NELL2: variants seen among roughly 807,000 people sequenced by gnomAD.
The protein encoded by NELL2 is neural EGFL like 2.
Under a neutral mutation model 109.6 loss-of-function variants are expected in NELL2, and 41 were observed. The ratio of observed to expected loss-of-function variants is 0.37; its 90% CI spans 0.29 to 0.49. NELL2 has a LOEUF of 0.49. Ranked by LOEUF, NELL2 falls within the 20% of genes least tolerant of loss-of-function variation. The pLI, the probability that NELL2 is intolerant of heterozygous loss-of-function variation, is 0.98. For synonymous variants in NELL2, 355 were observed against 344.7 expected (o/e 1.03, Z -0.33); for missense variants, 900 against 1,008.3 (o/e 0.89, Z 1.45).
intron 2 of NELL2, among the ~76,000 whole-genome samples, chr12:44,859,384 T>C (rs1944772963): frequency 6.6e-6 from 1 of 152,114 alleles, no homozygotes; most frequent in Non-Finnish European, 1.5e-5. Flanking sequence ...TCCACAAAAA[T>C]ACAAAAATTA....
In NELL2 at chr12:44,746,641, T is replaced by C. The variant is rs367833063; in HGVS notation, c.994+28106A>G. 3.1e-3 allele frequency among the ~76,000 whole-genome samples: 476 copies of C among 152,132 alleles called. 1 individual carries two copies. Among genetic ancestry groups the C allele is most frequent in the South Asian group, 0.015 (74 of 4,824 alleles). On this transcript the variant is annotated intron_variant, in intron 9 of 19. Transcript: ENST00000429094. ...ACCCCATCAAAAAGTGGGCGAAGGA[T>C]ATGAACAGACACTTCTCAAAAGAAG...
chr12:44,854,541 T>C (rs953382152), intron 2 of NELL2, among the ~76,000 whole-genome samples: 13 of 152,198 alleles, frequency 8.5e-5, no homozygotes, highest in Admixed American at 2.6e-4. Context: ...TGAATGCAAG[T>C]GACTTCAGAA....
intron 9 of NELL2, among the ~76,000 whole-genome samples, chr12:44,756,315 C>T (rs1445187933): frequency 6.6e-6 from 1 of 152,018 alleles, no homozygotes; most frequent in East Asian, 1.9e-4. Flanking sequence ...CTCCTTATCT[C>T]TCATTTTCTC....
At chr12:44,804,825 G>C (rs975987981) in intron 3 of NELL2, among the ~76,000 whole-genome samples, 1 of 151,712 alleles carries the variant, frequency 6.6e-6, no homozygotes, top group African/African-American at 2.4e-5. Flanking sequence ...GAACTTTCAT[G>C]GCACATCAAA....
chr12:44,637,325 T>A (rs1946676267), intron 13 of NELL2, among the ~76,000 whole-genome samples: 1 of 151,024 alleles, frequency 6.6e-6, no homozygotes, highest in African/African-American at 2.4e-5. Flanking sequence ...CTTTTACATA[T>A]CCAAAAACTA....
At chr12:44,563,836 G>A (rs377652214) in intron 15 of NELL2, among the ~76,000 whole-genome samples, 5 of 152,146 alleles carry the variant, frequency 3.3e-5, no homozygotes, top group East Asian at 1.9e-4. Context: ...GGTTAATGCC[G>A]CAGATATTAC....
intron 13 of NELL2, among the ~76,000 whole-genome samples, chr12:44,646,556 T>C (rs752027647): frequency 1.4e-4 from 22 of 152,246 alleles, no homozygotes; most frequent in Non-Finnish European, 1.2e-4. Flanking sequence ...AACAATATAC[T>C]GTAATCAAAG....
chr12:44,669,100 G>C lies in NELL2; in HGVS notation c.1319-3491C>G, dbSNP rs573970419. On this transcript the variant is annotated intron_variant, in intron 12 of 19. Transcript: ENST00000429094. ...ACCAAAGCCTCCACTAACAATCACA[G>C]CTTAAGTCACTGAGGAACTCATAGA... Among the ~76,000 whole-genome samples the C allele has an allele frequency of 3.3e-5, 5 of 152,258 alleles. No individual in the cohort carries two copies. In the South Asian group the frequency reaches 1.0e-3, roughly 32 times the overall value.
intron 13 of NELL2, 117 bp from the exon 14 acceptor site, chr12:44,611,087 A>G (rs1945606653): frequency 1.0e-6 from 1 of 961,846 alleles, no homozygotes; most frequent in East Asian, 2.6e-5. Context: ...GACATAACAA[A>G]TTATAAATTA....
chr12:44,903,935 T>C (rs1163124055), intron 1 of NELL2, among the ~76,000 whole-genome samples: 1 of 151,922 alleles, frequency 6.6e-6, no homozygotes, highest in Non-Finnish European at 1.5e-5. Flanking sequence ...ATACCTAATG[T>C]AGATGATGGG....
intron 16 of NELL2, among the ~76,000 whole-genome samples, chr12:44,530,289 CAG>C: frequency 6.6e-6 from 1 of 152,058 alleles, no homozygotes; most frequent in East Asian, 1.9e-4. Context: ...AGGCCACTGA[CAG>C]AGAATAAAAA....
At chr12:44,765,846 A>AG (rs148367762) in intron 9 of NELL2, among the ~76,000 whole-genome samples, 2,014 of 152,310 alleles carry the variant, frequency 0.013, 43 homozygotes, top group African/African-American at 0.046. Flanking sequence ...CTGAATTGGC[A>AG]GGATGCAGTG....
At chr12:44,636,286 G>T (rs1359432705) in intron 13 of NELL2, among the ~76,000 whole-genome samples, 3 of 152,006 alleles carry the variant, frequency 2.0e-5, no homozygotes, top group Non-Finnish European at 4.4e-5. Context: ...TATCTCTCTT[G>T]CCTGACTGCC....
chr12:44,745,116 G>C (rs1377617636), intron 9 of NELL2, among the ~76,000 whole-genome samples: 2 of 152,068 alleles, frequency 1.3e-5, no homozygotes, highest in African/African-American at 4.8e-5. Context: ...TAATCGAGTG[G>C]GCTTCATCCC....
At position 44,832,322 on chromosome 12, in the gene NELL2, G is replaced by A. The variant is rs145692647; in HGVS notation, c.185-16186C>T. 2.5e-4 allele frequency among the ~76,000 whole-genome samples: 38 copies of A among 152,274 alleles called. No homozygotes were observed. In the East Asian group the frequency reaches 6.7e-3, roughly 27 times the overall value. Reference sequence around the variant, plus strand: ...CCAAAACAATGTGATAAGAGGCTTAGTTAAAGCAAGTACTAGATGTCATGA... The same window carrying A: ...CCAAAACAATGTGATAAGAGGCTTAATTAAAGCAAGTACTAGATGTCATGA... On this transcript the variant is annotated intron_variant, in intron 2 of 19. Coordinates refer to ENST00000429094, the MANE Select transcript of NELL2 (RefSeq NM_001145108.2).
intron 15 of NELL2, among the ~76,000 whole-genome samples, chr12:44,545,671 T>A (rs1221676815): frequency 6.6e-6 from 1 of 152,112 alleles, no homozygotes; most frequent in Non-Finnish European, 1.5e-5. Flanking sequence ...GCTTTACTCC[T>A]ACACATGCTA....
chr12:44,864,272 G>T (rs1276698740), intron 2 of NELL2, among the ~76,000 whole-genome samples: 1 of 152,062 alleles, frequency 6.6e-6, no homozygotes, highest in African/African-American at 2.4e-5. Context: ...ACATAAAGTG[G>T]TTGAATGTAT....
In NELL2 at chr12:44,651,075, G is replaced by C. The variant is rs766012339; in HGVS notation, c.1444+14409C>G. ...GCAGCATCAGTAGATTCTCATAGAA[G>C]CATGAACCCTATTATGAACTGCACA... On this transcript the variant is annotated intron_variant, in intron 13 of 19. Transcript: ENST00000429094. 5.3e-5 allele frequency among the ~76,000 whole-genome samples: 8 copies of C among 152,330 alleles called. No homozygotes were observed. The South Asian group carries it at 1.4e-3, about 28-fold the overall frequency.
chr12:44,767,450 T>C (rs1941380841), intron 9 of NELL2, among the ~76,000 whole-genome samples: 1 of 152,104 alleles, frequency 6.6e-6, no homozygotes, highest in Admixed American at 6.6e-5. Flanking sequence ...ACCATCTTCT[T>C]GTAGAATAAT....
Sources: gnomAD v4.1 joint callset for allele counts (sites outside exome capture counted in the v4.1 genomes callset) on GRCh38, gnomAD v4.1.1 for gene constraint, MANE v1.5 for transcripts, NCBI Gene and HGNC (gene_info 2026-07-23, HGNC 2026-07-21) for gene names.